Variants in DTNB observed in about 807,000 individuals in gnomAD.
DTNB encodes the protein DTN-B.
Under a neutral mutation model 90.7 loss-of-function variants are expected in DTNB, and 63 were observed. That is an observed-to-expected ratio of 0.69 (90% CI 0.57 to 0.86). The LOEUF (loss-of-function observed/expected upper bound fraction) is 0.86. Among genes scored for constraint, DTNB ranks in the 40% least tolerant of loss-of-function variants. The pLI, the probability that DTNB is intolerant of heterozygous loss-of-function variation, is 0.00. For missense variants in DTNB, 744 were observed against 807.1 expected (o/e 0.92, Z 0.95); for synonymous variants, 277 against 286.7 (o/e 0.97, Z 0.34).
At chr2:25,629,585 T>A (rs1488606668) in intron 3 of DTNB, among the ~76,000 whole-genome samples, 2 of 152,314 alleles carry the variant, frequency 1.3e-5, no homozygotes, top group Non-Finnish European at 2.9e-5. Context: ...GGATGACAAT[T>A]TTCAACCAAA....
intron 1 of DTNB, among the ~76,000 whole-genome samples, chr2:25,662,687 C>A (rs867239793): frequency 4.9e-4 from 52 of 105,098 alleles, no homozygotes; most frequent in African/African-American, 1.0e-3. Flanking sequence ...CACAAACACA[C>A]ACACACACAC....
At chr2:25,455,213 C>T (rs2059830940) in intron 11 of DTNB, among the ~76,000 whole-genome samples, 192 bp downstream of exon 11, 1 of 152,190 alleles carries the variant, frequency 6.6e-6, no homozygotes, top group Non-Finnish European at 1.5e-5. Context: ...GGTCAGCGCC[C>T]AGGCTTGGCA....
chr2:25,635,085 A>T (rs1205459132), intron 3 of DTNB, among the ~76,000 whole-genome samples: 2 of 151,418 alleles, frequency 1.3e-5, no homozygotes, highest in Non-Finnish European at 1.5e-5. Flanking sequence ...AAAAGAAAAA[A>T]AAAAAAAGAA....
chr2:25,624,247 T>G (rs1303934261), intron 4 of DTNB, among the ~76,000 whole-genome samples: 2 of 152,224 alleles, frequency 1.3e-5, no homozygotes, highest in Non-Finnish European at 2.9e-5. Context: ...GCGTATCTGA[T>G]TGATGTCTCA....
chr2:25,667,641 A>T (rs561385811), intron 1 of DTNB, among the ~76,000 whole-genome samples: 15 of 152,344 alleles, frequency 9.8e-5, no homozygotes, highest in Non-Finnish European at 2.2e-4. Context: ...CATTTAGGGT[A>T]CTTGGACATA....
chr2:25,408,549 A>AT (rs1420308225), intron 16 of DTNB, among the ~76,000 whole-genome samples: 3 of 150,788 alleles, frequency 2.0e-5, no homozygotes, highest in African/African-American at 7.3e-5. Flanking sequence ...AAAAAAAAAA[A>AT]AAAAAAAAAA....
At chr2:25,563,752 C>T (rs751351961) in intron 8 of DTNB, among the ~76,000 whole-genome samples, 24 of 152,124 alleles carry the variant, frequency 1.6e-4, no homozygotes, top group Non-Finnish European at 3.2e-4. Context: ...ATTGAAAAAT[C>T]GACAACAACA....
intron 5 of DTNB, chr2:25,596,544 C>A (rs1474162900): frequency 1.1e-5 from 2 of 177,840 alleles, no homozygotes; most frequent in Non-Finnish European, 2.3e-5. Flanking sequence ...TTTATTTATA[C>A]CTCACTTTGT....
intron 6 of DTNB, among the ~76,000 whole-genome samples, chr2:25,586,980 C>A (rs1341797712): frequency 6.6e-6 from 1 of 152,200 alleles, no homozygotes; most frequent in Non-Finnish European, 1.5e-5. Flanking sequence ...TGTGGAGACA[C>A]AGATGCTCTC....
intron 16 of DTNB, among the ~76,000 whole-genome samples, chr2:25,417,036 T>C (rs2048166233): frequency 6.6e-6 from 1 of 152,216 alleles, no homozygotes; most frequent in Non-Finnish European, 1.5e-5. Flanking sequence ...GAGCTGAACT[T>C]ACATGGGTCC....
At chr2:25,515,917 C>T (rs2075025633) in intron 9 of DTNB, among the ~76,000 whole-genome samples, 1 of 152,080 alleles carries the variant, frequency 6.6e-6, no homozygotes, top group Admixed American at 6.6e-5. Context: ...AAACTAAGTG[C>T]AGGGTGTACA....
chr2:25,502,314 A>T (rs1157940996), intron 9 of DTNB, among the ~76,000 whole-genome samples: 2 of 152,242 alleles, frequency 1.3e-5, no homozygotes, highest in Non-Finnish European at 2.9e-5. Flanking sequence ...TGATTATAAT[A>T]GAGGAGCGAT....
intron 9 of DTNB, among the ~76,000 whole-genome samples, chr2:25,526,389 A>ATTT (rs1195477432): frequency 1.7e-5 from 1 of 58,804 alleles, no homozygotes; most frequent in African/African-American, 9.1e-5. Context: ...ATATATATAT[A>ATTT]TATATATTTT....
intron 2 of DTNB, among the ~76,000 whole-genome samples, chr2:25,651,885 A>G (rs2081003392): frequency 6.6e-6 from 1 of 152,202 alleles, no homozygotes; most frequent in Non-Finnish European, 1.5e-5. Context: ...GGGGAAAAAA[A>G]GAGTACAGTA....
rs1383085710 is a variant in DTNB at position 25,595,728 on chromosome 2, T to C, written c.603+358A>G. Among the ~76,000 whole-genome samples, 3 of 152,178 alleles carry C rather than the reference T, an allele frequency of 2.0e-5. No homozygotes were observed. In the East Asian group the frequency reaches 5.8e-4, roughly 29 times the overall value. On this transcript the variant is annotated intron_variant, in intron 6 of 20. Transcript: ENST00000406818. ...CCTGTCTCCAGCACTCAGGAAACAATGCAGTATTGTTACAGTTTTATATCA... is the reference window on the plus strand; with the variant it reads ...CCTGTCTCCAGCACTCAGGAAACAACGCAGTATTGTTACAGTTTTATATCA...
intron 3 of DTNB, among the ~76,000 whole-genome samples, chr2:25,629,708 A>G (rs2075260186): frequency 6.6e-6 from 1 of 152,136 alleles, no homozygotes; most frequent in Admixed American, 6.5e-5. Context: ...AAAATCAAAT[A>G]CCCTTTCATA....
chr2:25,603,597 A>G (rs2148479401), intron 5 of DTNB, among the ~76,000 whole-genome samples: 1 of 152,318 alleles, frequency 6.6e-6, no homozygotes, highest in African/African-American at 2.4e-5. Context: ...CATGTCAAAT[A>G]AAAAAGGTAG....
rs779214891 is a variant in DTNB at position 25,531,593 on chromosome 2, G to T, written c.881C>A (p.Ser294Tyr). 4 of 1,613,274 alleles carry T rather than the reference G, an allele frequency of 2.5e-6. No individual in the cohort carries two copies. The highest frequency in any genetic ancestry group is 3.3e-5 in the Admixed American group (2 of 59,806). ...HQMKEHSSWK[S>Y]PAKKLSHAIS... ...TGCATGGCTCAGCTTCTTTGCAGGA[G>T]ATTTCTGTGTCAAAGCAGAAAATAG... Residue 294 changes from serine (S) to tyrosine (Y), a missense_variant, in exon 9 of 21, where the codon TCT (serine) becomes TAT (tyrosine). Ser to Tyr is a moderately radical substitution (Grantham distance 144). Transcript: ENST00000406818.
intron 12 of DTNB, among the ~76,000 whole-genome samples, chr2:25,449,767 TC>T (rs2058990716): frequency 8.1e-6 from 1 of 123,772 alleles, no homozygotes; most frequent in African/African-American, 2.7e-5. Context: ...TTTTTCTTTT[TC>T]TTTTTTTTTT....
Sources: gnomAD v4.1 joint callset for allele counts (sites outside exome capture counted in the v4.1 genomes callset) on GRCh38, gnomAD v4.1.1 for gene constraint, MANE v1.5 for transcripts, NCBI Gene and HGNC (gene_info 2026-07-23, HGNC 2026-07-21) for gene names.